The following COMMD1 variants were observed in gnomAD, a reference collection of about 807,000 sequenced individuals.
COMMD1 encodes the protein copper metabolism domain containing 1.
In COMMD1, 10 loss-of-function variants were observed where a neutral mutation model predicts 17.2. The ratio of observed to expected loss-of-function variants is 0.58; its 90% CI spans 0.36 to 0.99. The LOEUF (loss-of-function observed/expected upper bound fraction) is 0.99, where lower values mean the gene tolerates loss of function less well. Among genes scored for constraint, COMMD1 ranks in the 50% least tolerant of loss-of-function variants. The probability of loss-of-function intolerance (pLI) is 0.01; values close to 1 mark genes in which losing one functional copy is unlikely to be tolerated. For missense variants in COMMD1, 270 were observed against 231.8 expected (o/e 1.17, Z -1.07); for synonymous variants, 97 against 91.6 (o/e 1.06, Z -0.34).
At chr2:61,894,367 G>A (rs1461484304) in intron 1 of COMMD1, among the ~76,000 whole-genome samples, 1 of 151,792 alleles carries the variant, frequency 6.6e-6, no homozygotes, top group Admixed American at 6.6e-5. Flanking sequence ...CTCCCAAAGT[G>A]TTGGGATTAC....
chr2:61,940,198 A>G (rs1670706621), intron 1 of COMMD1, among the ~76,000 whole-genome samples: 1 of 152,120 alleles, frequency 6.6e-6, no homozygotes, highest in South Asian at 2.1e-4. Context: ...CTTCTCCCCT[A>G]TATTTTGTGG....
intron 1 of COMMD1, among the ~76,000 whole-genome samples, chr2:61,926,182 A>G (rs1433376695): frequency 6.6e-6 from 1 of 152,138 alleles, no homozygotes; most frequent in Non-Finnish European, 1.5e-5. Flanking sequence ...TGTGTTAGCC[A>G]GAATGGTCTC....
intron 2 of COMMD1, among the ~76,000 whole-genome samples, chr2:62,076,143 C>G (rs956762988): frequency 2.5e-4 from 38 of 152,248 alleles, no homozygotes; most frequent in African/African-American, 8.9e-4. Context: ...AAAGTCTCAT[C>G]CTTTCATCCC....
chr2:61,927,053 G>A (rs1670345815), intron 1 of COMMD1, among the ~76,000 whole-genome samples: 1 of 152,192 alleles, frequency 6.6e-6, no homozygotes, highest in Non-Finnish European at 1.5e-5. Flanking sequence ...GAATTGAGCA[G>A]AGGTGGTTGG....
intron 1 of COMMD1, among the ~76,000 whole-genome samples, chr2:61,924,474 G>C (rs958615376): frequency 2.0e-5 from 3 of 151,848 alleles, no homozygotes; most frequent in Non-Finnish European, 2.9e-5. Context: ...GGATGTTGTC[G>C]AGGAGGGGAG....
At chr2:61,996,878 CA>C (rs1668772551) in intron 1 of COMMD1, among the ~76,000 whole-genome samples, 2 of 152,184 alleles carry the variant, frequency 1.3e-5, no homozygotes, top group Admixed American at 1.3e-4. Context: ...GGGATGGAAT[CA>C]ACTTCTTCCA....
intron 1 of COMMD1, among the ~76,000 whole-genome samples, chr2:61,956,133 T>C (rs1027909337): frequency 4.6e-5 from 7 of 152,228 alleles, no homozygotes; most frequent in Non-Finnish European, 1.0e-4. Context: ...GAAAGGTTCC[T>C]TAGGGGTGCA....
chr2:62,110,915 A>T lies in COMMD1; in HGVS notation c.463-24916A>T, dbSNP rs188459932. On this transcript the variant is annotated intron_variant, in intron 2 of 2. Transcript: ENST00000311832. ...GGTAGATCTCAAAGGGGTAAACATC[A>T]GGCTTAAATACTGTCATTCTCTGAA... Among the ~76,000 whole-genome samples the T allele has an allele frequency of 2.6e-5, 4 of 151,894 alleles. No homozygotes were observed. The East Asian group carries it at 7.7e-4, about 29-fold the overall frequency.
chr2:61,919,510 C>A (rs1282470753), intron 1 of COMMD1, among the ~76,000 whole-genome samples: 3 of 148,914 alleles, frequency 2.0e-5, no homozygotes, highest in Non-Finnish European at 4.5e-5. Context: ...TTTGTAGAGA[C>A]AGGGTTTTGC....
intron 2 of COMMD1, among the ~76,000 whole-genome samples, chr2:62,025,771 C>T (rs59762548): frequency 0.6 from 91,480 of 151,956 alleles, 28,900 homozygotes; most frequent in Middle Eastern, 0.73. Flanking sequence ...TCACTGCAAC[C>T]TCCACCTCCA....
At position 61,915,136 on chromosome 2, in the gene COMMD1, G is replaced by A. The variant is rs185441410; in HGVS notation, c.180+9278G>A. The stretch of plus-strand genomic sequence containing the variant: ...TTCTCTTACTTCATCCACCCAAGTA[G>A]CTGGGATTACAGGTGTGCACCACCA... On this transcript the variant is annotated intron_variant, in intron 1 of 2. Transcript: ENST00000311832. 2.6e-4 allele frequency among the ~76,000 whole-genome samples: 39 copies of A among 151,660 alleles called. No homozygotes were observed. In the East Asian group the frequency reaches 7.0e-3, roughly 27 times the overall value.
intron 2 of COMMD1, among the ~76,000 whole-genome samples, chr2:62,092,475 T>C (rs1235237714): frequency 6.6e-6 from 1 of 152,136 alleles, no homozygotes; most frequent in African/African-American, 2.4e-5. Context: ...AGGAAAGTGG[T>C]CAAGTGCTTG....
rs1222001296 is a variant in COMMD1, at chr2:62,000,606, A to G, written c.181-95A>G. On this transcript the variant is annotated intron_variant, in intron 1 of 2. Coordinates refer to ENST00000311832, the MANE Select transcript of COMMD1 (RefSeq NM_152516.4). ...TGTGTCTGGGCTATTTCAGTGATTT[A>G]AGAGTCACTCAAAATATAATCTGTA... The G allele has an allele frequency of 2.5e-6, 3 of 1,203,478 alleles. No individual in the cohort carries two copies. The African/African-American group carries it at 4.5e-5, about 18-fold the overall frequency. 74.5% of individuals were successfully genotyped at this position (1,203,478 alleles called of 1,614,324 possible).
intron 2 of COMMD1, among the ~76,000 whole-genome samples, chr2:62,009,417 C>A (rs1669218130): frequency 6.6e-6 from 1 of 151,954 alleles, no homozygotes; most frequent in East Asian, 1.9e-4. Context: ...TCAGCCTGGG[C>A]AACTTGGTAA....
At chr2:61,897,016 G>T (rs1470919521) in intron 1 of COMMD1, among the ~76,000 whole-genome samples, 1 of 151,864 alleles carries the variant, frequency 6.6e-6, no homozygotes, top group African/African-American at 2.4e-5. Flanking sequence ...TTTTAGTAGA[G>T]ATGGGGTTTC....
chr2:61,964,661 C>T (rs1037211471), intron 1 of COMMD1, among the ~76,000 whole-genome samples: 15 of 150,854 alleles, frequency 9.9e-5, no homozygotes, highest in Non-Finnish European at 1.9e-4. Context: ...GGTGAAACCC[C>T]GTCTCTACTA....
At chr2:61,889,627 T>G (rs1261580319) in intron 1 of COMMD1, among the ~76,000 whole-genome samples, 1 of 152,020 alleles carries the variant, frequency 6.6e-6, no homozygotes, top group Non-Finnish European at 1.5e-5. Context: ...GACCTGCATT[T>G]TATGCAGTTT....
intron 1 of COMMD1, among the ~76,000 whole-genome samples, chr2:61,971,890 C>T (rs1195566346): frequency 1.3e-5 from 2 of 152,056 alleles, no homozygotes; most frequent in Non-Finnish European, 2.9e-5. Flanking sequence ...GTTGGCCAAG[C>T]AGGGAGGATT....
chr2:61,949,936 C>T (rs187366889), intron 1 of COMMD1, among the ~76,000 whole-genome samples: 100 of 152,230 alleles, frequency 6.6e-4, no homozygotes, highest in African/African-American at 2.1e-3. Flanking sequence ...AAACCAATAA[C>T]GAGAATGCAG....
Sources: gnomAD v4.1 joint callset for allele counts (sites outside exome capture counted in the v4.1 genomes callset) on GRCh38, gnomAD v4.1.1 for gene constraint, MANE v1.5 for transcripts, NCBI Gene and HGNC (gene_info 2026-07-23, HGNC 2026-07-21) for gene names.